The following ARHGEF9 variants were observed in gnomAD, a reference collection of about 807,000 sequenced individuals.
The protein encoded by ARHGEF9 is rho guanine nucleotide exchange factor 9.
In ARHGEF9, 2 loss-of-function variants were observed where a neutral mutation model predicts 41.3. That is an observed-to-expected ratio of 0.05 (90% confidence interval 0.02 to 0.15). The LOEUF (loss-of-function observed/expected upper bound fraction) is 0.15. ARHGEF9 is among the 10% of genes least tolerant of loss of function. ARHGEF9 has a pLI of 1.00. For synonymous variants in ARHGEF9, 160 were observed against 154.4 expected, an observed-to-expected ratio of 1.04 and a Z score of -0.27; for missense variants, 225 against 424.7, an observed-to-expected ratio of 0.53 and a Z score of 4.13.
At chrX:63,676,293 T>C (rs1359537845) in intron 5 of ARHGEF9, among the ~76,000 whole-genome samples, 38 of 112,438 alleles carry the variant, frequency 3.4e-4, no homozygotes, top group African/African-American at 1.1e-3. Flanking sequence ...GAAAAGTCTT[T>C]ATTCTGAGCC....
intron 4 of ARHGEF9, among the ~76,000 whole-genome samples, chrX:63,687,520 A>G (rs1206856131): frequency 3.6e-5 from 4 of 111,187 alleles, no homozygotes; most frequent in Non-Finnish European, 7.5e-5. Context: ...AGACAAAATA[A>G]GGAGCCAGTG....
chrX:63,740,128 C>T (rs2054864630), intron 1 of ARHGEF9, among the ~76,000 whole-genome samples: 1 of 112,237 alleles, frequency 8.9e-6, no homozygotes, highest in African/African-American at 3.2e-5. Flanking sequence ...GAAGAAATCC[C>T]TGCTCCTGAT....
chrX:63,691,910 C>T (rs2051377823), intron 4 of ARHGEF9, among the ~76,000 whole-genome samples: 1 of 111,590 alleles, frequency 9.0e-6, no homozygotes, highest in African/African-American at 3.3e-5. Flanking sequence ...CATGCATTTA[C>T]AGCCAATTCA....
At chrX:63,655,795 T>C (rs782193798) in intron 7 of ARHGEF9, 58 bp from the exon 8 acceptor site, 12 of 1,173,008 alleles carry the variant, frequency 1.0e-5, no homozygotes, top group East Asian at 8.9e-5. Flanking sequence ...CTAGAAGAGT[T>C]GGCACAGGGG....
intron 8 of ARHGEF9, among the ~76,000 whole-genome samples, chrX:63,647,130 C>T (rs782677165): frequency 1.5e-4 from 17 of 111,343 alleles, no homozygotes; most frequent in African/African-American, 5.2e-4. Flanking sequence ...GAGATTTTGG[C>T]CTGAGACGAT....
At chrX:63,757,924 C>T (rs1251231771) in intron 1 of ARHGEF9, among the ~76,000 whole-genome samples, 3 of 112,306 alleles carry the variant, frequency 2.7e-5, no homozygotes, top group African/African-American at 9.7e-5. Context: ...TTGCAGCCAG[C>T]GTTCTGGATA....
intron 1 of ARHGEF9, among the ~76,000 whole-genome samples, chrX:63,774,031 G>A (rs1356255014): frequency 9.6e-6 from 1 of 103,808 alleles, no homozygotes; most frequent in Non-Finnish European, 2.0e-5. Flanking sequence ...ATAATCATGA[G>A]CAAATCCATT....
At chrX:63,726,952 C>A (rs1379053904) in intron 1 of ARHGEF9, among the ~76,000 whole-genome samples, 1 of 111,482 alleles carries the variant, frequency 9.0e-6, no homozygotes, top group Non-Finnish European at 1.9e-5. Context: ...TACTAAAAGT[C>A]AATTTCTCCT....
At chrX:63,754,921 C>T in intron 1 of ARHGEF9, 1 of 939,991 alleles carries the variant, frequency 1.1e-6, no homozygotes. Flanking sequence ...CGGGGGGAAC[C>T]TGTGAGTGGT....
chrX:63,654,144 CTGT>C (rs1413229942), intron 8 of ARHGEF9, among the ~76,000 whole-genome samples: 2 of 100,358 alleles, frequency 2.0e-5, no homozygotes, highest in Non-Finnish European at 4.1e-5. Flanking sequence ...AAGTGATTTA[CTGT>C]TATTATCAAA....
chrX:63,692,357 A>G (rs1444228379), intron 4 of ARHGEF9, among the ~76,000 whole-genome samples: 3 of 112,369 alleles, frequency 2.7e-5, no homozygotes, highest in Admixed American at 9.4e-5. Flanking sequence ...AAACAACTCA[A>G]TAGCAAAAAA....
intron 7 of ARHGEF9, among the ~76,000 whole-genome samples, chrX:63,662,245 G>C (rs1276660425): frequency 1.3e-4 from 15 of 111,817 alleles, no homozygotes; most frequent in Admixed American, 1.1e-3. Context: ...TATAGTTAGC[G>C]AGTGTTGAAA....
Position 63,637,728 on chromosome X carries a change from T to TA in ARHGEF9, c.*299dup. The TA allele has an allele frequency of 4.2e-6, 1 of 237,852 alleles. No individual in the cohort carries two copies. The highest frequency in any genetic ancestry group is 7.5e-6 in the Non-Finnish European group (1 of 133,966). 19.6% of individuals were successfully genotyped at this position (237,852 alleles called of 1,213,427 possible). A position where few individuals can be genotyped will look rare whatever the true frequency, so the allele number is the denominator to read the frequency against. Reference sequence around the variant, plus strand: ...GAAAGCAAAGGGAAGGGGGACAGGGTAAAAATGGAAAACTTTTAAGACGGA... The same window carrying TA: ...GAAAGCAAAGGGAAGGGGGACAGGGTAAAAAATGGAAAACTTTTAAGACGGA... On this transcript the variant is annotated 3_prime_UTR_variant, in exon 10 of 10. Coordinates refer to ENST00000671741, the MANE Select transcript of ARHGEF9 (RefSeq NM_001353921.2).
chrX:63,693,630 C>A lies in ARHGEF9; in HGVS notation c.582+3495G>T, dbSNP rs782728484. On this transcript the variant is annotated intron_variant, in intron 4 of 9. Coordinates refer to ENST00000671741, the MANE Select transcript of ARHGEF9 (RefSeq NM_001353921.2). ...CCATCTCAAAAAAAAAAAAAAAAAA[C>A]CACATGTACCCCATAAATAAGTAAA... 9.8e-3 allele frequency among the ~76,000 whole-genome samples: 924 copies of A among 93,905 alleles called. 14 individuals carry two copies. Among genetic ancestry groups the A allele is most frequent in the Admixed American group, 0.04 (357 of 8,872 alleles). 81.5% of individuals were successfully genotyped at this position (93,905 alleles called of 115,157 possible). A position where few individuals can be genotyped will look rare whatever the true frequency, so the allele number is the denominator to read the frequency against.
chrX:63,775,660 C>T (rs1398808344), intron 1 of ARHGEF9, among the ~76,000 whole-genome samples: 1 of 111,379 alleles, frequency 9.0e-6, no homozygotes, highest in Non-Finnish European at 1.9e-5. Context: ...GCAACAGACA[C>T]TGAGGCCTAC....
chrX:63,663,288 A>G (rs2049330352), intron 7 of ARHGEF9, among the ~76,000 whole-genome samples: 2 of 111,640 alleles, frequency 1.8e-5, no homozygotes, highest in Admixed American at 1.9e-4. Flanking sequence ...AAAGTAATTA[A>G]AATTAAGCAT....
intron 8 of ARHGEF9, among the ~76,000 whole-genome samples, chrX:63,644,637 T>C (rs2047874866): frequency 9.4e-6 from 1 of 105,874 alleles, no homozygotes; most frequent in Non-Finnish European, 2.0e-5. Flanking sequence ...AACTTCAGGA[T>C]AAAAAAAAAA....
rs1556297349 is a variant in ARHGEF9, at chrX:63,636,284, C to T, written c.*1744G>A. 2.7e-5 allele frequency: 3 copies of T among 111,753 alleles called. No individual in the cohort carries two copies. The highest frequency in any genetic ancestry group is 5.6e-5 in the Non-Finnish European group (3 of 53,225). The allele number at this position is 111,753 out of a possible 1,213,427, so 9.2% of individuals were successfully genotyped here. A position where few individuals can be genotyped will look rare whatever the true frequency, so the allele number is the denominator to read the frequency against. On this transcript the variant is annotated 3_prime_UTR_variant, in exon 10 of 10. Transcript: ENST00000671741. ...ACATTCCTCACTACAGTGGCTTGCT[C>T]TTCACAGCAGAGTTCATCCTTATTC...
chrX:63,727,799 G>C (rs1262192328), intron 1 of ARHGEF9, among the ~76,000 whole-genome samples: 1 of 112,058 alleles, frequency 8.9e-6, no homozygotes, highest in African/African-American at 3.2e-5. Flanking sequence ...AGCCCTTTAA[G>C]GAAAAACTAT....
Sources: allele counts gnomAD v4.1 joint callset (sites outside exome capture counted in the v4.1 genomes callset), GRCh38; gene constraint gnomAD v4.1.1; transcripts MANE v1.5; gene names NCBI Gene and HGNC (gene_info 2026-07-23, HGNC 2026-07-21).